Variants in SLC30A8 observed in about 807,000 individuals in gnomAD.
SLC30A8 encodes the protein proton-coupled zinc antiporter SLC30A8.
A neutral mutation model predicts 36.9 loss-of-function variants in SLC30A8; 27 were observed. That is an observed-to-expected ratio of 0.73 (90% confidence interval 0.54 to 1.01). The LOEUF (loss-of-function observed/expected upper bound fraction) is 1.01, where lower values mean the gene tolerates loss of function less well. SLC30A8 is among the 50% of genes least tolerant of loss of function. The pLI is 0.00. For missense variants in SLC30A8, 439 were observed against 452.0 expected, an observed-to-expected ratio of 0.97 and a Z score of 0.26; for synonymous variants, 164 against 172.4, an observed-to-expected ratio of 0.95 and a Z score of 0.38.
At chr8:117,103,082 C>T (rs2130861833) in intron 2 of SLC30A8, among the ~76,000 whole-genome samples, 1 of 152,186 alleles carries the variant, frequency 6.6e-6, no homozygotes, top group African/African-American at 2.4e-5. Context: ...AAAATCTCCT[C>T]TTCTAAATCA....
chr8:117,013,225 A>T (rs960510302), intron 1 of SLC30A8, among the ~76,000 whole-genome samples: 71 of 152,310 alleles, frequency 4.7e-4, no homozygotes, highest in Non-Finnish European at 5.9e-5. Context: ...GGCACAAGGA[A>T]AAGCATAAGA....
intron 2 of SLC30A8, among the ~76,000 whole-genome samples, chr8:117,057,142 G>A (rs1817896276): frequency 6.6e-6 from 1 of 152,144 alleles, no homozygotes; most frequent in Non-Finnish European, 1.5e-5. Context: ...GATGTCGAGT[G>A]AGGGTCTGTT....
At chr8:116,968,217 A>C (rs1814665725) in intron 1 of SLC30A8, among the ~76,000 whole-genome samples, 1 of 152,084 alleles carries the variant, frequency 6.6e-6, no homozygotes, top group Non-Finnish European at 1.5e-5. Flanking sequence ...TGCAGCAACA[A>C]ATAATCCCCA....
intron 2 of SLC30A8, among the ~76,000 whole-genome samples, chr8:117,046,466 T>G (rs544040400): frequency 6.6e-6 from 1 of 152,240 alleles, no homozygotes; most frequent in East Asian, 1.9e-4. Flanking sequence ...TGACACAGAG[T>G]AGGTGGTCAG....
At chr8:117,115,746 G>A (rs1047328340) in intron 2 of SLC30A8, among the ~76,000 whole-genome samples, 2 of 152,008 alleles carry the variant, frequency 1.3e-5, no homozygotes, top group Admixed American at 1.3e-4. Context: ...TCTTCAGAGT[G>A]GGTAGGGAAG....
intron 4 of SLC30A8, 77 bp downstream of exon 4, chr8:117,157,921 A>G: frequency 1.3e-6 from 2 of 1,514,296 alleles, no homozygotes; most frequent in African/African-American, 1.4e-5. Context: ...ACCTTTTAAA[A>G]AACTCAGTAC....
chr8:116,971,560 T>G (rs867790003), intron 1 of SLC30A8, among the ~76,000 whole-genome samples: 2 of 152,150 alleles, frequency 1.3e-5, no homozygotes, highest in African/African-American at 2.4e-5. Flanking sequence ...TTTGATGATA[T>G]TCCTATTTTC....
intron 2 of SLC30A8, among the ~76,000 whole-genome samples, chr8:117,053,632 A>G (rs1235869141): frequency 6.6e-6 from 1 of 152,200 alleles, no homozygotes; most frequent in Non-Finnish European, 1.5e-5. Flanking sequence ...CAAGCAAATC[A>G]TGGTAGAACT....
At chr8:117,120,180 C>T (rs970981233) in intron 2 of SLC30A8, among the ~76,000 whole-genome samples, 2 of 151,718 alleles carry the variant, frequency 1.3e-5, no homozygotes, top group African/African-American at 4.8e-5. Context: ...TGAGAAAAAA[C>T]AAAAATGAAG....
chr8:116,994,542 T>C (rs888860145), intron 1 of SLC30A8, among the ~76,000 whole-genome samples: 5 of 152,144 alleles, frequency 3.3e-5, no homozygotes, highest in African/African-American at 9.7e-5. Flanking sequence ...CATACAGTTC[T>C]GTAGGATTCT....
intron 1 of SLC30A8, among the ~76,000 whole-genome samples, chr8:117,001,476 GT>G (rs1816009786): frequency 6.6e-6 from 1 of 152,122 alleles, no homozygotes; most frequent in African/African-American, 2.4e-5. Flanking sequence ...TGCTGTTGGA[GT>G]AGGGTTTTTC....
At chr8:116,957,452 G>C (rs1046841613) in intron 1 of SLC30A8, among the ~76,000 whole-genome samples, 1 of 151,960 alleles carries the variant, frequency 6.6e-6, no homozygotes, top group African/African-American at 2.4e-5. Context: ...TGTACTTTTA[G>C]TAGAGACAGG....
intron 1 of SLC30A8, among the ~76,000 whole-genome samples, chr8:116,958,540 T>G (rs189481240): frequency 3.3e-4 from 50 of 152,268 alleles, no homozygotes; most frequent in African/African-American, 1.2e-3. Flanking sequence ...AGAATTCTAC[T>G]GTCATTTTTA....
At chr8:117,081,863 G>A (rs548358322) in intron 2 of SLC30A8, among the ~76,000 whole-genome samples, 10 of 152,288 alleles carry the variant, frequency 6.6e-5, no homozygotes, top group South Asian at 2.1e-4. Context: ...AATAATTGCC[G>A]ATTCACAACA....
Position 117,146,997 on chromosome 8 carries a change from A to G in SLC30A8, c.115A>G (p.Arg39Gly), listed in dbSNP as rs1448460756. 1.9e-6 allele frequency: 3 copies of G among 1,614,032 alleles called. No homozygotes were observed. Among genetic ancestry groups the G allele is most frequent in the Non-Finnish European group, 1.7e-6 (2 of 1,179,918 alleles). Residue 39 changes from arginine (R) to glycine (G), a missense_variant, in exon 2 of 8, where the codon AGA (arginine) becomes GGA (glycine). Coordinates refer to ENST00000456015, the MANE Select transcript of SLC30A8 (RefSeq NM_173851.3). ...ACCGGTGAATAAAGATCAGTGTCCC[A>G]GAGAGAGACCAGAGGAGCTGGAGTC... is the stretch of plus-strand genomic sequence containing the variant. ...QKPVNKDQCP[R>G]ERPEELESGG...
At position 117,147,086 on chromosome 8, in the gene SLC30A8, C is replaced by T. The variant is rs1364279692; in HGVS notation, c.204C>T (p.Ala68=). ...CAGAAAAGGGGGCGAATGAGTACGC[C>T]TATGCCAAGTGGAAACTCTGTTCTG... ...KPTEKGANEY[A]YAKWKLCSAS... is the part of the protein sequence containing the mutation. Residue 68 remains alanine (A), a synonymous_variant, in exon 2 of 8, where the codon GCC becomes GCT. Coordinates refer to ENST00000456015, the MANE Select transcript of SLC30A8 (RefSeq NM_173851.3). 19 of 1,614,144 alleles carry T rather than the reference C, an allele frequency of 1.2e-5. 1 individual carries two copies. The East Asian group carries it at 3.8e-4, about 32-fold the overall frequency.
chr8:117,121,529 G>GT (rs1820694002), intron 2 of SLC30A8, among the ~76,000 whole-genome samples: 1 of 151,798 alleles, frequency 6.6e-6, no homozygotes, highest in African/African-American at 2.4e-5. Context: ...TCTCTCTTGT[G>GT]CCTCTTTTAT....
chr8:117,025,852 T>A (rs1214229942), intron 1 of SLC30A8, among the ~76,000 whole-genome samples: 1 of 152,244 alleles, frequency 6.6e-6, no homozygotes, highest in African/African-American at 2.4e-5. Flanking sequence ...ATGGATGCTC[T>A]TCTTAGGAGA....
chr8:116,957,804 T>C (rs1344622582), intron 1 of SLC30A8, among the ~76,000 whole-genome samples: 1 of 152,170 alleles, frequency 6.6e-6, no homozygotes, highest in Non-Finnish European at 1.5e-5. Context: ...TTGGGTGATA[T>C]TTATTCCCAT....
Sources: gnomAD v4.1 joint callset for allele counts (sites outside exome capture counted in the v4.1 genomes callset) on GRCh38, gnomAD v4.1.1 for gene constraint, MANE v1.5 for transcripts, NCBI Gene and HGNC (gene_info 2026-07-23, HGNC 2026-07-21) for gene names.